IGF2R: variants seen among roughly 807,000 people sequenced by gnomAD.
The protein encoded by IGF2R is insulin like growth factor 2 receptor.
IGF2R carries 91 observed loss-of-function variants against 270.6 expected under a neutral mutation model. That is an observed-to-expected ratio of 0.34 (90% CI 0.28 to 0.40). IGF2R has a LOEUF of 0.40. Ranked by LOEUF, IGF2R falls within the 10% of genes least tolerant of loss-of-function variation. The pLI, the probability that IGF2R is intolerant of heterozygous loss-of-function variation, is 1.00. For missense variants in IGF2R, 2,805 were observed against 3,188.3 expected (o/e 0.88, Z 2.90); for synonymous variants, 1,316 against 1,258.9 (o/e 1.05, Z -0.96).
intron 2 of IGF2R, chr6:160,007,155 G>A (rs529713691): frequency 8.6e-4 from 131 of 152,208 alleles, no homozygotes; most frequent in African/African-American, 3.1e-3. Flanking sequence ...TCATTTCCAG[G>A]TTTTTGCTCT....
At position 160,034,512 on chromosome 6, in the gene IGF2R, T is replaced by G. The variant is rs771246023; in HGVS notation, c.1305T>G (p.Asn435Lys). The change falls in exon 10 of 48, where the codon AAT (asparagine) becomes AAG (lysine). Residue 435 changes from asparagine to lysine, a missense_variant. By Grantham distance (94) the Asn-to-Lys change is moderately conservative. Transcript: ENST00000356956. ...QRMSVINFECNKTAGNDGKGT... is the reference protein window; with the variant it reads ...QRMSVINFECKKTAGNDGKGT... Reference sequence around the variant, plus strand: ...TGAGCGTCATAAACTTTGAGTGCAATAAAACCGCAGGTAAGTGTGCGCTGG... The same window carrying G: ...TGAGCGTCATAAACTTTGAGTGCAAGAAAACCGCAGGTAAGTGTGCGCTGG... 1 of 1,607,220 alleles carries G rather than the reference T, an allele frequency of 6.2e-7. No individual in the cohort carries two copies. Among genetic ancestry groups the G allele is most frequent in the South Asian group, 1.1e-5 (1 of 90,952 alleles).
intron 2 of IGF2R, among the ~76,000 whole-genome samples, chr6:160,000,534 G>A (rs969031066): frequency 2.6e-5 from 4 of 152,030 alleles, no homozygotes; most frequent in African/African-American, 9.7e-5. Flanking sequence ...GAGCTAAGCC[G>A]CATCACCAGG....
At chr6:159,991,541 A>G (rs1257630838) in intron 2 of IGF2R, among the ~76,000 whole-genome samples, 1 of 152,232 alleles carries the variant, frequency 6.6e-6, no homozygotes, top group Non-Finnish European at 1.5e-5. Context: ...TGTCTAGTGG[A>G]TACTATACAG....
In IGF2R at chr6:160,050,027, C is replaced by T. The variant is rs114089130; in HGVS notation, c.2515-446C>T. 4.3e-4 allele frequency among the ~76,000 whole-genome samples: 65 copies of T among 152,254 alleles called. No individual in the cohort carries two copies. Among genetic ancestry groups the T allele is most frequent in the Middle Eastern group, 3.4e-3 (1 of 294 alleles). On this transcript the variant is annotated intron_variant, in intron 18 of 47. Transcript: ENST00000356956. This position sits in a 1 kb window ranked among gnomAD's most constrained non-coding sequence, Gnocchi z 4.0. ...GTAGAAGAGTGCAGGGTGAAGTCATCGGATGGGGAGATGAAGAAACTGCAT... is the reference window on the plus strand; with the variant it reads ...GTAGAAGAGTGCAGGGTGAAGTCATTGGATGGGGAGATGAAGAAACTGCAT...
chr6:160,024,878 C>A (rs1480849925), intron 5 of IGF2R, among the ~76,000 whole-genome samples, 174 bp downstream of exon 5: 1 of 152,144 alleles, frequency 6.6e-6, no homozygotes, highest in Non-Finnish European at 1.5e-5. Flanking sequence ...TCTTCTCCCC[C>A]AGTAGATTCC....
chr6:160,040,660 C>A lies in IGF2R; in HGVS notation c.1416C>A (p.Asp472Glu), dbSNP rs749418578. ...TEYACVKEKE[D>E]LLCGATDGKK... ...ACGCCTGTGTTAAGGAGAAGGAAGA[C>A]CTCCTCTGCGGTGCCACCGACGGGA... The change falls in exon 11 of 48, where the codon GAC (aspartate) becomes GAA (glutamate). Residue 472 changes from aspartate to glutamate, a missense_variant. Asp to Glu is a conservative substitution (Grantham distance 45). Coordinates refer to ENST00000356956, the MANE Select transcript of IGF2R (RefSeq NM_000876.4). 4.3e-6 allele frequency: 7 copies of A among 1,614,198 alleles called. No homozygotes were observed. In the East Asian group the frequency reaches 1.6e-4, roughly 36 times the overall value.
intron 10 of IGF2R, among the ~76,000 whole-genome samples, chr6:160,037,801 G>A (rs1777860001): frequency 6.6e-6 from 1 of 152,150 alleles, no homozygotes; most frequent in Non-Finnish European, 1.5e-5. Flanking sequence ...GGGGTCGGGG[G>A]TGCGGGCTCT....
At chr6:160,069,158 T>C (rs1278138021) in intron 30 of IGF2R, among the ~76,000 whole-genome samples, 1 of 152,118 alleles carries the variant, frequency 6.6e-6, no homozygotes, top group African/African-American at 2.4e-5. Context: ...TGGCTGAGAC[T>C]GGATGTCAGC....
Position 160,068,330 on chromosome 6 carries a change from C to T in IGF2R, c.4197C>T (p.Asp1399=), listed in dbSNP as rs771114587. Residue 1399 remains aspartate, a synonymous_variant, in exon 30 of 48, where the codon GAC becomes GAT. Coordinates refer to ENST00000356956, the MANE Select transcript of IGF2R (RefSeq NM_000876.4). ...DNWEAITGTG[D]PEHYLINVCK... ...GGGAAGCCATCACTGGGACGGGGGA[C>T]CCGGAGCACTACCTCATCAATGTCT... 5 of 1,614,268 alleles carry T rather than the reference C, an allele frequency of 3.1e-6. No homozygotes were observed. The highest frequency in any genetic ancestry group is 8.5e-7 in the Non-Finnish European group (1 of 1,180,054).
intron 1 of IGF2R, among the ~76,000 whole-genome samples, chr6:159,979,080 AGGAGGGTCTT>A (rs1783739205): frequency 6.6e-6 from 1 of 152,178 alleles, no homozygotes; most frequent in Non-Finnish European, 1.5e-5. Context: ...AGGGAAGGCC[AGGAGGGTCTT>A]GCTGTTAGGG....
In IGF2R at chr6:160,044,631, C is replaced by G. The variant is rs751155185; in HGVS notation, c.1739C>G (p.Thr580Ser). 2 of 1,608,520 alleles carry G rather than the reference C, an allele frequency of 1.2e-6. No homozygotes were observed. The highest frequency in any genetic ancestry group is 2.2e-5 in the South Asian group (2 of 89,072). The change falls in exon 13 of 48, where the codon ACT becomes AGT. Residue 580 changes from threonine (T) to serine (S), a missense_variant. Physicochemically the swap from Thr to Ser is moderately conservative, Grantham distance 58. This residue lies in a region of IGF2R where 954 missense variants were observed against 981.1 expected (regional missense o/e 0.97). Transcript: ENST00000356956. ...TGTGGTCATGGCAAGAAAATTAAAA[C>G]TAATATCACACTTGTATGCAAGCCA... ...DDCGHGKKIKTNITLVCKPGD... is the reference protein window; with the variant it reads ...DDCGHGKKIKSNITLVCKPGD...
chr6:160,017,925 T>C (rs946085320), intron 4 of IGF2R, among the ~76,000 whole-genome samples: 1 of 152,102 alleles, frequency 6.6e-6, no homozygotes, highest in African/African-American at 2.4e-5. Context: ...ATAAACACTC[T>C]TATAAAACAA....
At chr6:160,041,913 A>G (rs533103859) in intron 11 of IGF2R, among the ~76,000 whole-genome samples, 3 of 152,264 alleles carry the variant, frequency 2.0e-5, no homozygotes, top group East Asian at 1.9e-4. Context: ...GCCGCATCCA[A>G]CCACATTTGC....
intron 4 of IGF2R, among the ~76,000 whole-genome samples, chr6:160,017,841 C>T (rs952392615): frequency 1.3e-5 from 2 of 152,132 alleles, no homozygotes; most frequent in African/African-American, 4.8e-5. Context: ...ATGGACCATA[C>T]AATTAATGCC....
intron 31 of IGF2R, among the ~76,000 whole-genome samples, chr6:160,071,111 G>A (rs1778716100): frequency 6.6e-6 from 1 of 151,034 alleles, no homozygotes; most frequent in Non-Finnish European, 1.5e-5. Flanking sequence ...GAGGCTGGGA[G>A]GGAAGGATGA....
At position 160,072,055 on chromosome 6, in the gene IGF2R, C is replaced by A; in HGVS notation, c.4570+19C>A. ...AGCACAGGTGAGAGGTGGTGCCAGT[C>A]GTTAACCCCAGCGCAGGTGAGAGAC... On this transcript the variant is annotated intron_variant, in intron 32 of 47. Coordinates refer to ENST00000356956, the MANE Select transcript of IGF2R (RefSeq NM_000876.4). 1 of 1,613,862 alleles carries A rather than the reference C, an allele frequency of 6.2e-7. No individual in the cohort carries two copies. The highest frequency in any genetic ancestry group is 8.5e-7 in the Non-Finnish European group (1 of 1,179,956).
chr6:159,993,461 T>C (rs1784007681), intron 2 of IGF2R, among the ~76,000 whole-genome samples: 1 of 152,192 alleles, frequency 6.6e-6, no homozygotes, highest in Non-Finnish European at 1.5e-5. Flanking sequence ...CCCAGCACCG[T>C]TTATTGAATA....
intron 3 of IGF2R, among the ~76,000 whole-genome samples, chr6:160,010,141 T>C (rs1784310685): frequency 2.6e-5 from 4 of 152,170 alleles, no homozygotes. Flanking sequence ...GACTTGCACG[T>C]GGGAGTGAAG....
At chr6:160,052,967 A>T (rs1417511443) in intron 19 of IGF2R, among the ~76,000 whole-genome samples, 1 of 152,222 alleles carries the variant, frequency 6.6e-6, no homozygotes, top group Non-Finnish European at 1.5e-5. Flanking sequence ...TAGACCTAAA[A>T]CCATAAAAAC....
Sources: gnomAD v4.1 joint callset for allele counts (sites outside exome capture counted in the v4.1 genomes callset) on GRCh38, gnomAD v4.1.1 for gene constraint, gnomAD v4.1.1 regional missense constraint, Gnocchi (gnomAD v3.1) non-coding constraint, MANE v1.5 for transcripts, NCBI Gene and HGNC (gene_info 2026-07-23, HGNC 2026-07-21) for gene names.